Variants in PDE6A observed in about 807,000 individuals in gnomAD.
PDE6A encodes rod cGMP-specific 3',5'-cyclic phosphodiesterase subunit alpha.
A neutral mutation model predicts 106.3 loss-of-function variants in PDE6A; 84 were observed. That is an observed-to-expected ratio of 0.79 (90% CI 0.66 to 0.95). The LOEUF (loss-of-function observed/expected upper bound fraction) is 0.95, where lower values mean the gene tolerates loss of function less well. Ranked by LOEUF, PDE6A falls within the 40% of genes least tolerant of loss-of-function variation. The pLI, the probability that PDE6A is intolerant of heterozygous loss-of-function variation, is 0.00. For synonymous variants in PDE6A, 394 were observed against 386.6 expected, an observed-to-expected ratio of 1.02 and a Z score of -0.23; for missense variants, 1,052 against 1,084.9, an observed-to-expected ratio of 0.97 and a Z score of 0.43.
chr5:149,901,300 A>G (rs537443996), intron 8 of PDE6A, among the ~76,000 whole-genome samples: 1 of 152,220 alleles, frequency 6.6e-6, no homozygotes, highest in South Asian at 2.1e-4. Context: ...AGGCCAAGGC[A>G]GGCAGATCAC....
chr5:149,865,470 G>A (rs1760297796), intron 20 of PDE6A, among the ~76,000 whole-genome samples: 1 of 151,906 alleles, frequency 6.6e-6, no homozygotes, highest in Non-Finnish European at 1.5e-5. Flanking sequence ...AAATATTACT[G>A]ATGATAGTGG....
At chr5:149,865,755 G>A (rs1760309417) in intron 20 of PDE6A, among the ~76,000 whole-genome samples, 1 of 152,222 alleles carries the variant, frequency 6.6e-6, no homozygotes, top group Admixed American at 6.5e-5. Flanking sequence ...CAGATTAACA[G>A]AAAGTTGGGA....
rs144496484 is a variant in PDE6A at position 149,915,512 on chromosome 5, T to G, written c.934-505A>C. ...TGGCCATAAACTCCCTCCAAGGATG[T>G]GCCTGGGCTGCCTTCTGGTGCTCCC... On this transcript the variant is annotated intron_variant, in intron 5 of 21. Transcript: ENST00000255266. 1.6e-3 allele frequency among the ~76,000 whole-genome samples: 246 copies of G among 152,328 alleles called. 2 individuals are homozygous for G. Among genetic ancestry groups the G allele is most frequent in the Non-Finnish European group, 1.7e-3 (117 of 68,028 alleles).
intron 3 of PDE6A, among the ~76,000 whole-genome samples, chr5:149,932,989 G>T (rs1339862631): frequency 1.3e-5 from 2 of 152,090 alleles, no homozygotes; most frequent in Non-Finnish European, 2.9e-5. Context: ...TAAAGTGTTT[G>T]TTTTTATGTA....
intron 8 of PDE6A, among the ~76,000 whole-genome samples, chr5:149,900,956 C>G (rs1752954930): frequency 1.3e-5 from 2 of 152,140 alleles, no homozygotes; most frequent in Admixed American, 1.3e-4. Flanking sequence ...TGCTCTGTCA[C>G]CCAGGCAGGA....
In PDE6A at chr5:149,921,851, G is replaced by A. The variant is rs1753732333; in HGVS notation, c.859-142C>T. On this transcript the variant is annotated intron_variant, in intron 4 of 21. Transcript: ENST00000255266. ...AGTGAAACCTAAACTTGGAAAGGCA[G>A]TAAGACTCACTACAGTTAGAAAATA... 1.8e-5 allele frequency: 13 copies of A among 725,158 alleles called. No homozygotes were observed. The South Asian group carries it at 2.0e-4, about 11-fold the overall frequency. The allele number at this position is 725,158 out of a possible 1,614,324, so 44.9% of individuals were successfully genotyped here.
intron 13 of PDE6A, among the ~76,000 whole-genome samples, chr5:149,894,258 C>T (rs530235519): frequency 1.1e-3 from 161 of 152,182 alleles, no homozygotes; most frequent in African/African-American, 3.6e-3. Context: ...CTTATCTTTT[C>T]TCTGATTTTA....
intron 5 of PDE6A, among the ~76,000 whole-genome samples, chr5:149,918,006 A>C (rs983950997): frequency 2.0e-5 from 3 of 152,230 alleles, no homozygotes; most frequent in Non-Finnish European, 4.4e-5. Flanking sequence ...CTAAGGTTCT[A>C]AGGACAATGG....
chr5:149,928,231 A>ATTTTTT (rs1165259453), intron 4 of PDE6A, among the ~76,000 whole-genome samples: 2 of 19,744 alleles, frequency 1.0e-4, no homozygotes, highest in South Asian at 1.3e-3. Flanking sequence ...ATATATATAT[A>ATTTTTT]TTTTTTTTTT....
intron 17 of PDE6A, 23 bp from the exon 18 acceptor site, chr5:149,868,181 A>G (rs1351436222): frequency 1.2e-5 from 19 of 1,610,866 alleles, no homozygotes; most frequent in Non-Finnish European, 1.6e-5. Context: ...GACACCCTCT[A>G]TCAGTCCAGG....
At chr5:149,938,520 G>A (rs1476828895) in intron 1 of PDE6A, among the ~76,000 whole-genome samples, 8 of 152,170 alleles carry the variant, frequency 5.3e-5, no homozygotes, top group Admixed American at 3.9e-4. Context: ...TAGGTGCCAG[G>A]GGCCAGTGGT....
intron 4 of PDE6A, among the ~76,000 whole-genome samples, chr5:149,923,915 T>C (rs1488248472): frequency 1.3e-5 from 2 of 152,234 alleles, no homozygotes; most frequent in Non-Finnish European, 2.9e-5. Flanking sequence ...ATGTTTGTCA[T>C]GGTCTGCTTA....
intron 6 of PDE6A, among the ~76,000 whole-genome samples, chr5:149,909,086 C>A (rs1753291088): frequency 6.6e-6 from 1 of 151,856 alleles, no homozygotes; most frequent in Admixed American, 6.6e-5. Flanking sequence ...TTCTTGAATT[C>A]CTGGCTTTAA....
intron 1 of PDE6A, among the ~76,000 whole-genome samples, chr5:149,943,356 T>C (rs10040566): frequency 0.024 from 3,682 of 152,340 alleles, 152 homozygotes; most frequent in African/African-American, 0.084. Flanking sequence ...ATTAATAGCA[T>C]CTCAAGGCAG....
At chr5:149,936,430 A>T (rs1754187549) in intron 1 of PDE6A, among the ~76,000 whole-genome samples, 1 of 152,324 alleles carries the variant, frequency 6.6e-6, no homozygotes, top group African/African-American at 2.4e-5. Context: ...TAAGCTACTG[A>T]TGAGTTCCTG....
At chr5:149,920,978 G>GAGAA (rs1561769397) in intron 5 of PDE6A, among the ~76,000 whole-genome samples, 39 of 132,310 alleles carry the variant, frequency 2.9e-4, no homozygotes, top group African/African-American at 1.5e-3. Flanking sequence ...AAGAAAGAAA[G>GAGAA]AAAGAAAGAA....
chr5:149,928,232 T>TATATATATATATA (rs1554091941), intron 4 of PDE6A, among the ~76,000 whole-genome samples: 8 of 11,332 alleles, frequency 7.1e-4, no homozygotes, highest in African/African-American at 3.4e-3. Flanking sequence ...TATATATATA[T>TATATATATATATA]TTTTTTTTTT....
intron 7 of PDE6A, 88 bp downstream of exon 7, chr5:149,907,224 C>A (rs1036188893): frequency 9.6e-7 from 1 of 1,046,962 alleles, no homozygotes; most frequent in South Asian, 1.3e-5. Flanking sequence ...TTGCCATCAT[C>A]TTTTCCACTC....
At chr5:149,914,617 G>A (rs1361870176) in intron 6 of PDE6A, among the ~76,000 whole-genome samples, 2 of 149,444 alleles carry the variant, frequency 1.3e-5, no homozygotes, top group African/African-American at 4.9e-5. Context: ...GTCTTTAATA[G>A]GCATGATAAT....
Sources: allele counts gnomAD v4.1 joint callset (sites outside exome capture counted in the v4.1 genomes callset), GRCh38; gene constraint gnomAD v4.1.1; transcripts MANE v1.5; gene names NCBI Gene and HGNC (gene_info 2026-07-23, HGNC 2026-07-21).